Variants in MEI1 observed in about 807,000 individuals in gnomAD.
MEI1 encodes the protein meiosis inhibitor protein 1.
Under a neutral mutation model 146.2 loss-of-function variants are expected in MEI1, and 103 were observed. The observed-to-expected ratio is 0.70, with a 90% CI of 0.60 to 0.83. MEI1 has a LOEUF of 0.83. Among genes scored for constraint, MEI1 ranks in the 40% least tolerant of loss-of-function variants. MEI1 has a pLI of 0.00. For synonymous variants in MEI1, 652 were observed against 628.2 expected (o/e 1.04, Z -0.57); for missense variants, 1,529 against 1,533.0 (o/e 1.00, Z 0.04).
chr22:41,743,986 C>T (rs542676393), intron 12 of MEI1, among the ~76,000 whole-genome samples: 4 of 152,090 alleles, frequency 2.6e-5, no homozygotes, highest in Admixed American at 2.0e-4. Flanking sequence ...CAGTGATTCT[C>T]CTGCCTCAGC....
intron 18 of MEI1, among the ~76,000 whole-genome samples, chr22:41,759,003 C>T (rs1227492181): frequency 6.6e-6 from 1 of 151,716 alleles, no homozygotes; most frequent in African/African-American, 2.4e-5. Context: ...ATTAGCCGGG[C>T]ATGGTGTTGC....
intron 7 of MEI1, 118 bp downstream of exon 7, chr22:41,724,191 C>A: frequency 3.2e-6 from 4 of 1,269,412 alleles, no homozygotes; most frequent in Non-Finnish European, 3.3e-6. Flanking sequence ...TCTTACTGGG[C>A]AAAATAATAT....
Position 41,743,078 on chromosome 22 carries a change from A to G in MEI1, c.1332-2A>G. 6.2e-7 allele frequency: 1 copy of G among 1,607,036 alleles called. No individual in the cohort carries two copies. The highest frequency in any genetic ancestry group is 1.3e-5 in the African/African-American group (1 of 74,932). ...AACCTGCTTTTGTCTCTCTGGATGC[A>G]GGAAGGACCATCAGAGCACTCCACC... On this transcript the variant is annotated splice_acceptor_variant, in intron 11 of 30. Coordinates refer to ENST00000401548, the MANE Select transcript of MEI1 (RefSeq NM_152513.4). LOFTEE classifies it high-confidence loss of function.
rs763880064 is a variant in MEI1 at position 41,743,157 on chromosome 22, C to T, written c.1409C>T (p.Ala470Val). The change falls in exon 12 of 31, where the codon GCG (alanine) becomes GTG (valine). Residue 470 changes from alanine to valine, a missense_variant. Transcript: ENST00000401548. ...CTAGAAGCCATGCTAAACCGATGTG[C>T]GGAGTTTTCCCAGACCTTGCTGAGC... ...ALLEAMLNRC[A>V]EFSQTLLSRR... 9.9e-6 allele frequency: 16 copies of T among 1,613,020 alleles called. No individual in the cohort carries two copies. Among genetic ancestry groups the T allele is most frequent in the East Asian group, 2.2e-5 (1 of 44,884 alleles).
At chr22:41,784,140 C>T (rs1482839247) in intron 24 of MEI1, among the ~76,000 whole-genome samples, 199 bp from the exon 25 acceptor site, 1 of 152,182 alleles carries the variant, frequency 6.6e-6, no homozygotes, top group South Asian at 2.1e-4. Context: ...AAAAAGAGTT[C>T]TCCAGGTTCG....
Position 41,743,125 on chromosome 22 carries a change from G to C in MEI1, c.1377G>C (p.Gln459His). 1 of 1,613,358 alleles carries C rather than the reference G, an allele frequency of 6.2e-7. No individual in the cohort carries two copies. Among genetic ancestry groups the C allele is most frequent in the Non-Finnish European group, 8.5e-7 (1 of 1,179,820 alleles). Residue 459 changes from glutamine to histidine, a missense_variant, in exon 12 of 31, where the codon CAG (glutamine) becomes CAC (histidine). By Grantham distance (24) the Gln-to-His change is conservative (BLOSUM62 0). This residue lies in a region of MEI1 where 1,212 missense variants were observed against 1,178.9 expected (regional missense o/e 1.03). Transcript: ENST00000401548. ...STPPVQYGEL[Q>H]ALLEAMLNRC... ...CACCTGTGCAGTATGGGGAACTGCA[G>C]GCTTTGCTAGAAGCCATGCTAAACC...
At chr22:41,743,319 A>G (rs1255170801) in intron 12 of MEI1, 125 bp downstream of exon 12, 1 of 614,514 alleles carries the variant, frequency 1.6e-6, no homozygotes, top group Non-Finnish European at 2.9e-6. Context: ...ACATGGCTAC[A>G]ATGAGATGCT....
chr22:41,748,345 C>G, intron 15 of MEI1, 127 bp downstream of exon 15: 1 of 694,736 alleles, frequency 1.4e-6, no homozygotes, highest in Non-Finnish European at 2.6e-6. Context: ...TGTATCTATT[C>G]TTTGTCCAGT....
chr22:41,714,025 C>T lies in MEI1; in HGVS notation c.373C>T (p.Leu125=), dbSNP rs780325121. The change falls in exon 4 of 31, where the codon CTG becomes TTG. Residue 125 remains leucine (L), a synonymous_variant. Coordinates refer to ENST00000401548, the MANE Select transcript of MEI1 (RefSeq NM_152513.4). ...AGTCCTTATTCAGATCACAACGCAG[C>T]TGAAGCTGGAGCAGACTATCCGTTG... ...IEVLIQITTQ[L]KLEQTIRCLL... is the part of the protein sequence containing the mutation. 1 of 1,597,856 alleles carries T rather than the reference C, an allele frequency of 6.3e-7. No homozygotes were observed. The highest frequency in any genetic ancestry group is 8.5e-7 in the Non-Finnish European group (1 of 1,172,218).
At chr22:41,705,380 CA>C in intron 2 of MEI1, 123 bp from the exon 3 acceptor site, 1 of 821,668 alleles carries the variant, frequency 1.2e-6, no homozygotes, top group Non-Finnish European at 2.1e-6. Flanking sequence ...CCATATTGGT[CA>C]GGCTTTTCTT....
Position 41,743,089 on chromosome 22 carries a change from T to C in MEI1, c.1341T>C (p.His447=). 6.2e-7 allele frequency: 1 copy of C among 1,610,656 alleles called. No individual in the cohort carries two copies. The highest frequency in any genetic ancestry group is 8.5e-7 in the Non-Finnish European group (1 of 1,177,716). The part of the protein sequence containing the change: ...KATSAFLRKD[H]QSTPPVQYGE... ...GTCTCTCTGGATGCAGGAAGGACCA[T>C]CAGAGCACTCCACCTGTGCAGTATG... is the stretch of plus-strand genomic sequence containing the variant. Residue 447 remains histidine (H), a synonymous_variant, in exon 12 of 31, where the codon CAT becomes CAC. Transcript: ENST00000401548.
chr22:41,738,355 G>A (rs1384731395), intron 11 of MEI1, among the ~76,000 whole-genome samples: 1 of 152,114 alleles, frequency 6.6e-6, no homozygotes, highest in Non-Finnish European at 1.5e-5. Flanking sequence ...TTGGGAGGCC[G>A]AGGCGGGCGG....
intron 7 of MEI1, among the ~76,000 whole-genome samples, chr22:41,728,544 C>T (rs1359858440): frequency 6.6e-6 from 1 of 151,946 alleles, no homozygotes; most frequent in Non-Finnish European, 1.5e-5. Context: ...GGGCCATATA[C>T]TGAGACCTTG....
rs767771762 is a variant in MEI1, at chr22:41,763,321, G to A, written c.2268G>A (p.Glu756=). ...ICQDKDNTLR[E]TMVSAIRKFL... is the part of the protein sequence containing the mutation. ...AGGACAAAGACAATACACTACGTGA[G>A]GTATGGACCACAATGCCTGGGCTCC... The change falls in exon 19 of 31, where the codon GAG becomes GAA. Residue 756 remains glutamate (E), a splice_region_variant and synonymous_variant. Transcript: ENST00000401548. 1.9e-6 allele frequency: 3 copies of A among 1,613,542 alleles called. No individual in the cohort carries two copies. The South Asian group carries it at 3.3e-5, about 18-fold the overall frequency.
chr22:41,739,133 A>G (rs1380993315), intron 11 of MEI1, among the ~76,000 whole-genome samples: 1 of 70,708 alleles, frequency 1.4e-5, no homozygotes, highest in Admixed American at 1.1e-4. Context: ...TGTCTCTACT[A>G]AAAATACAAA....
intron 20 of MEI1, among the ~76,000 whole-genome samples, chr22:41,772,436 A>G (rs1452341808): frequency 1.3e-5 from 2 of 152,046 alleles, no homozygotes; most frequent in Non-Finnish European, 2.9e-5. Flanking sequence ...TGAGGTCAGG[A>G]GTTCAAGACC....
intron 18 of MEI1, among the ~76,000 whole-genome samples, chr22:41,761,384 G>A (rs974233407): frequency 1.3e-5 from 2 of 148,952 alleles, no homozygotes; most frequent in South Asian, 2.1e-4. Context: ...GCCCAATCTC[G>A]GCTCACTGCA....
intron 6 of MEI1, among the ~76,000 whole-genome samples, chr22:41,723,332 C>A (rs181014784): frequency 6.6e-6 from 1 of 152,134 alleles, no homozygotes; most frequent in Non-Finnish European, 1.5e-5. Flanking sequence ...CCTGCCTCAA[C>A]CTCCTGAGTA....
chr22:41,729,637 G>GGTCCTATTCGTGGT, intron 7 of MEI1, 28 bp from the exon 8 acceptor site: 1 of 1,462,968 alleles, frequency 6.8e-7, no homozygotes. Context: ...GGTGTGACTG[G>GGTCCTATTCGTGGT]GGTACTTTTT....
Sources: allele counts gnomAD v4.1 joint callset (sites outside exome capture counted in the v4.1 genomes callset), GRCh38; gene constraint gnomAD v4.1.1; regional missense constraint gnomAD v4.1.1; transcripts MANE v1.5; gene names NCBI Gene and HGNC (gene_info 2026-07-23, HGNC 2026-07-21).